TMEM132D: variants seen among roughly 807,000 people sequenced by gnomAD.
TMEM132D encodes the protein mature OL transmembrane protein.
Under a neutral mutation model 62.3 loss-of-function variants are expected in TMEM132D, and 21 were observed. The ratio of observed to expected loss-of-function variants is 0.34; its 90% CI spans 0.24 to 0.49. TMEM132D has a LOEUF of 0.49. Ranked by LOEUF, TMEM132D falls within the 20% of genes least tolerant of loss-of-function variation. The pLI is 0.99. For missense variants in TMEM132D, 1,346 were observed against 1,402.8 expected (o/e 0.96, Z 0.65); for synonymous variants, 621 against 575.6 (o/e 1.08, Z -1.13).
intron 3 of TMEM132D, among the ~76,000 whole-genome samples, chr12:129,510,980 G>A (rs117375431): frequency 0.022 from 3,406 of 152,294 alleles, 62 homozygotes; most frequent in Non-Finnish European, 0.034. Flanking sequence ...GTTAAGTAAT[G>A]TGATTCCTCC....
chr12:129,763,065 C>G (rs1330934900), intron 1 of TMEM132D, among the ~76,000 whole-genome samples: 1 of 152,146 alleles, frequency 6.6e-6, no homozygotes, highest in African/African-American at 2.4e-5. Flanking sequence ...AACTGGCCAT[C>G]TTTAGCTTTT....
chr12:129,475,895 C>A (rs1009630265), intron 3 of TMEM132D, among the ~76,000 whole-genome samples: 1 of 152,186 alleles, frequency 6.6e-6, no homozygotes, highest in South Asian at 2.1e-4. Flanking sequence ...TCGATTTAAC[C>A]GGCAATTGCA....
At chr12:129,430,648 G>A (rs564895450) in intron 3 of TMEM132D, among the ~76,000 whole-genome samples, 48 of 152,094 alleles carry the variant, frequency 3.2e-4, no homozygotes, top group African/African-American at 9.9e-4. Flanking sequence ...ATCCCACTCA[G>A]CCTCAGTTTT....
chr12:129,863,055 T>C (rs1036512331), intron 1 of TMEM132D, among the ~76,000 whole-genome samples: 5 of 152,128 alleles, frequency 3.3e-5, no homozygotes, highest in South Asian at 2.1e-4. Flanking sequence ...AACCGAGGCA[T>C]TGAAAATTGT....
intron 1 of TMEM132D, among the ~76,000 whole-genome samples, chr12:129,833,335 T>A (rs1872903920): frequency 6.6e-6 from 1 of 152,208 alleles, no homozygotes; most frequent in Non-Finnish European, 1.5e-5. Context: ...GTATGGTGGT[T>A]CATGCCTGTA....
intron 1 of TMEM132D, among the ~76,000 whole-genome samples, chr12:129,793,883 A>G (rs1281800544): frequency 2.0e-5 from 3 of 152,098 alleles, no homozygotes; most frequent in Admixed American, 6.5e-5. Flanking sequence ...CTTACTTTTC[A>G]TTTTGCCTAT....
chr12:129,672,041 GC>G (rs1593114207), intron 2 of TMEM132D, among the ~76,000 whole-genome samples: 1 of 152,184 alleles, frequency 6.6e-6, no homozygotes, highest in East Asian at 1.9e-4. Flanking sequence ...ACCTGATCGT[GC>G]AAAAATGCAA....
intron 2 of TMEM132D, among the ~76,000 whole-genome samples, chr12:129,543,769 T>C (rs1024318970): frequency 2.6e-5 from 4 of 152,208 alleles, no homozygotes; most frequent in Non-Finnish European, 5.9e-5. Flanking sequence ...AATATATACA[T>C]AAAAACATAT....
intron 5 of TMEM132D, among the ~76,000 whole-genome samples, chr12:129,114,080 C>G (rs372076030): frequency 4.0e-4 from 61 of 152,276 alleles, no homozygotes; most frequent in African/African-American, 1.4e-3. Context: ...CATCCCTCAG[C>G]AACAGACAGT....
intron 3 of TMEM132D, among the ~76,000 whole-genome samples, chr12:129,514,112 T>G (rs928756837): frequency 1.3e-5 from 2 of 151,994 alleles, no homozygotes; most frequent in Admixed American, 1.3e-4. Context: ...GTGCTGGGAT[T>G]ACAGGCGTGA....
chr12:129,811,168 A>C (rs1361310386), intron 1 of TMEM132D, among the ~76,000 whole-genome samples: 1 of 151,752 alleles, frequency 6.6e-6, no homozygotes, highest in African/African-American at 2.4e-5. Flanking sequence ...GAAGAACATA[A>C]AATGTTTGGG....
chr12:129,322,667 G>A (rs1868761742), intron 4 of TMEM132D, among the ~76,000 whole-genome samples: 1 of 152,028 alleles, frequency 6.6e-6, no homozygotes, highest in South Asian at 2.1e-4. Context: ...CACCAAGGTT[G>A]TTACACTAGA....
chr12:129,697,093 G>T (rs949052482), intron 2 of TMEM132D, among the ~76,000 whole-genome samples: 4 of 152,174 alleles, frequency 2.6e-5, no homozygotes, highest in African/African-American at 9.7e-5. Context: ...GCACGCCGCC[G>T]GGGAGGTGTA....
At chr12:129,635,690 T>C (rs1281232983) in intron 2 of TMEM132D, among the ~76,000 whole-genome samples, 1 of 152,184 alleles carries the variant, frequency 6.6e-6, no homozygotes, top group Non-Finnish European at 1.5e-5. Context: ...GAGATGACAA[T>C]GAAATACTTG....
At chr12:129,574,510 G>A (rs1011678672) in intron 2 of TMEM132D, among the ~76,000 whole-genome samples, 1 of 152,068 alleles carries the variant, frequency 6.6e-6, no homozygotes, top group East Asian at 1.9e-4. Context: ...TGCTACATTA[G>A]CCAGAGCAGC....
chr12:129,426,962 T>C (rs1351340246), intron 3 of TMEM132D, among the ~76,000 whole-genome samples: 2 of 152,216 alleles, frequency 1.3e-5, no homozygotes, highest in Non-Finnish European at 2.9e-5. Context: ...TAGAGAGCTA[T>C]AGGGCCTTGG....
chr12:129,656,497 G>A (rs557978765), intron 2 of TMEM132D, among the ~76,000 whole-genome samples: 5 of 152,238 alleles, frequency 3.3e-5, no homozygotes, highest in African/African-American at 4.8e-5. Context: ...CACAGAGCTC[G>A]CTGGTTGCAC....
At chr12:129,078,486 A>G in intron 8 of TMEM132D, 48 bp downstream of exon 8, 2 of 1,576,942 alleles carry the variant, frequency 1.3e-6, no homozygotes, top group African/African-American at 1.3e-5. Flanking sequence ...TGTGTGATCC[A>G]CTTGGTGAGG....
chr12:129,102,300 ATACACATGCACACACGTGTACACACT>A (rs1875336059), intron 5 of TMEM132D, among the ~76,000 whole-genome samples: 1 of 152,030 alleles, frequency 6.6e-6, no homozygotes, highest in Admixed American at 6.6e-5. Context: ...AATCACACAC[ATACACATGCACACACGTGTACACACT>A]TACACATGCA....
Sources: allele counts gnomAD v4.1 joint callset (sites outside exome capture counted in the v4.1 genomes callset), GRCh38; gene constraint gnomAD v4.1.1; transcripts MANE v1.5; gene names NCBI Gene and HGNC (gene_info 2026-07-23, HGNC 2026-07-21).